The following TBK1 variants were observed in gnomAD, a reference collection of about 807,000 sequenced individuals.
The protein encoded by TBK1 is TANK binding kinase 1.
In TBK1, 37 loss-of-function variants were observed where a neutral mutation model predicts 99.9. The ratio of observed to expected loss-of-function variants is 0.37; its 90% CI spans 0.28 to 0.49. The LOEUF (loss-of-function observed/expected upper bound fraction) is 0.49, where lower values mean the gene tolerates loss of function less well. Ranked by LOEUF, TBK1 falls within the 20% of genes least tolerant of loss-of-function variation. The pLI, the probability that TBK1 is intolerant of heterozygous loss-of-function variation, is 0.98. For missense variants in TBK1, 644 were observed against 872.5 expected, an observed-to-expected ratio of 0.74 and a Z score of 3.30; for synonymous variants, 258 against 279.8, an observed-to-expected ratio of 0.92 and a Z score of 0.78.
At chr12:64,466,474 A>G (rs1027528691) in intron 4 of TBK1, among the ~76,000 whole-genome samples, 29 of 152,074 alleles carry the variant, frequency 1.9e-4, no homozygotes, top group African/African-American at 6.8e-4. Context: ...TATTGAGTTC[A>G]GTTTACTTTT....
intron 15 of TBK1, 63 bp downstream of exon 15, chr12:64,495,838 T>G (rs2040919958): frequency 7.6e-7 from 1 of 1,308,836 alleles, no homozygotes; most frequent in Non-Finnish European, 1.0e-6. Context: ...TATAATTCAG[T>G]TAAATTAATT....
chr12:64,487,421 C>CA (rs1015536519), intron 11 of TBK1, among the ~76,000 whole-genome samples: 3 of 151,198 alleles, frequency 2.0e-5, no homozygotes, highest in Non-Finnish European at 3.0e-5. Context: ...TTTTAGGCTC[C>CA]TTTTTTTTTC....
In TBK1 at chr12:64,489,981, C is replaced by A. The variant is rs10878177; in HGVS notation, c.1443-60C>A. ...GCTGAAATTATTATTTATAAAACAT[C>A]TTTTTAAAACTATGTATTGATTATA... On this transcript the variant is annotated intron_variant, in intron 12 of 20. Transcript: ENST00000331710. The A allele has an allele frequency of 0.27, 264,954 of 999,514 alleles. 38,134 individuals are homozygous for A. The highest frequency in any genetic ancestry group is 0.3 in the Non-Finnish European group (208,044 of 695,462). 61.9% of individuals were successfully genotyped at this position (999,514 alleles called of 1,614,324 possible).
At chr12:64,494,190 A>G (rs530131949) in intron 13 of TBK1, among the ~76,000 whole-genome samples, 9 of 152,276 alleles carry the variant, frequency 5.9e-5, no homozygotes, top group African/African-American at 2.2e-4. Context: ...AGCTGGGCAC[A>G]GTGGCTCATA....
In TBK1 at chr12:64,464,438, A is replaced by T. The variant is rs1350686349; in HGVS notation, c.333A>T (p.Glu111Asp). The change falls in exon 4 of 21, where the codon GAA (glutamate) becomes GAT (aspartate). Residue 111 changes from glutamate to aspartate, a missense_variant. Glu to Asp is a conservative substitution (Grantham distance 45). Coordinates refer to ENST00000331710, the MANE Select transcript of TBK1 (RefSeq NM_013254.4). The part of the protein sequence containing the change: ...PSNAYGLPES[E>D]FLIVLRDVVG... ...ATGCCTATGGACTACCAGAATCTGAATTCTTAATTGTTTTGCGAGATGTGG... is the reference window on the plus strand; with the variant it reads ...ATGCCTATGGACTACCAGAATCTGATTTCTTAATTGTTTTGCGAGATGTGG... 6.3e-7 allele frequency: 1 copy of T among 1,594,838 alleles called. No individual in the cohort carries two copies. The highest frequency in any genetic ancestry group is 8.6e-7 in the Non-Finnish European group (1 of 1,169,238).
intron 13 of TBK1, among the ~76,000 whole-genome samples, chr12:64,492,170 T>A (rs2040876129): frequency 6.6e-6 from 1 of 152,242 alleles, no homozygotes; most frequent in Non-Finnish European, 1.5e-5. Flanking sequence ...ATTTACCTGC[T>A]CATAGGCCTA....
At position 64,464,310 on chromosome 12, in the gene TBK1, CCAAT is replaced by C. The variant is rs757994883; in HGVS notation, c.229-19_229-16del. ...CAAAATTTATTTTTTATGTTGATTC[CCAAT>C]CAATGATTTTTTTTTTCAGACAACA... On this transcript the variant is annotated intron_variant, in intron 3 of 20. Transcript: ENST00000331710. The C allele has an allele frequency of 2.0e-6, 3 of 1,469,494 alleles. No homozygotes were observed. In the South Asian group the frequency reaches 3.7e-5, roughly 18 times the overall value. 91.0% of individuals were successfully genotyped at this position (1,469,494 alleles called of 1,614,324 possible).
At chr12:64,460,135 A>G in intron 2 of TBK1, 54 bp from the exon 3 acceptor site, 1 of 1,218,406 alleles carries the variant, frequency 8.2e-7, no homozygotes, top group Non-Finnish European at 1.1e-6. Context: ...GCTACCTTTT[A>G]ATCTCTTTTA....
At chr12:64,480,970 A>G (rs2040762690) in intron 7 of TBK1, among the ~76,000 whole-genome samples, 1 of 152,200 alleles carries the variant, frequency 6.6e-6, no homozygotes. Context: ...TTCTGTGAAA[A>G]TTCATTTAAA....
Position 64,481,952 on chromosome 12 carries a change from G to A in TBK1, c.923G>A (p.Arg308Gln), listed in dbSNP as rs1555204111. The A allele has an allele frequency of 3.1e-6, 5 of 1,609,046 alleles. No homozygotes were observed. Among genetic ancestry groups the A allele is most frequent in the Non-Finnish European group, 4.2e-6 (5 of 1,177,702 alleles). Residue 308 changes from arginine to glutamine, a missense_variant, in exon 8 of 21, where the codon CGA (arginine) becomes CAA (glutamine). Around this residue, in one of 3 missense-constraint regions of TBK1, gnomAD observed 465 missense variants for 588.0 expected, o/e 0.79. Coordinates refer to ENST00000331710, the MANE Select transcript of TBK1 (RefSeq NM_013254.4). Reference protein sequence around the residue: ...FFAETSDILHRMVIHVFSLQQ... With the variant: ...FFAETSDILHQMVIHVFSLQQ... ...GCAGAAACTAGTGATATACTTCACC[G>A]AATGGTAATTCATGTTTTTTCGCTA...
intron 13 of TBK1, among the ~76,000 whole-genome samples, chr12:64,492,731 CT>C (rs36044305): frequency 9.5e-5 from 14 of 147,414 alleles, no homozygotes; most frequent in African/African-American, 7.4e-5. Context: ...TTCTCTTTTT[CT>C]TTTTTTTTTG....
At chr12:64,496,296 C>A in intron 15 of TBK1, 71 bp from the exon 16 acceptor site, 1 of 786,210 alleles carries the variant, frequency 1.3e-6, no homozygotes. Context: ...GCAATAATCT[C>A]AAAAGAAAAT....
chr12:64,467,204 A>T (rs750924331), intron 5 of TBK1, 122 bp downstream of exon 5: 103 of 697,040 alleles, frequency 1.5e-4, no homozygotes, highest in Non-Finnish European at 2.2e-4. Flanking sequence ...TAAATTTTCT[A>T]TTCTAATGAA....
At chr12:64,457,981 C>T (rs2040506569) in intron 2 of TBK1, among the ~76,000 whole-genome samples, 1 of 152,112 alleles carries the variant, frequency 6.6e-6, no homozygotes, top group Admixed American at 6.5e-5. Context: ...CATGGTGGCT[C>T]ACGCCTGTAA....
chr12:64,487,191 C>CT (rs1252520204), intron 11 of TBK1, among the ~76,000 whole-genome samples: 2 of 152,138 alleles, frequency 1.3e-5, no homozygotes, highest in Admixed American at 1.3e-4. Flanking sequence ...TACATTATCT[C>CT]TTTTGGAAAT....
chr12:64,491,346 T>C (rs1424131448), intron 13 of TBK1, among the ~76,000 whole-genome samples: 11 of 152,060 alleles, frequency 7.2e-5, no homozygotes, highest in Admixed American at 7.2e-4. Context: ...CTTGGCTGGG[T>C]GTGGTGGCTC....
At chr12:64,485,334 G>T (rs369979934) in intron 9 of TBK1, 121 bp from the exon 10 acceptor site, 3 of 461,234 alleles carry the variant, frequency 6.5e-6, no homozygotes, top group South Asian at 4.3e-5. Flanking sequence ...TTTTAATCAC[G>T]AAAACTACAT....
At chr12:64,491,584 C>G (rs2040870371) in intron 13 of TBK1, among the ~76,000 whole-genome samples, 1 of 152,128 alleles carries the variant, frequency 6.6e-6, no homozygotes, top group Non-Finnish European at 1.5e-5. Flanking sequence ...GATCGTGCCA[C>G]TTGCACTCCA....
chr12:64,484,446 T>C lies in TBK1; in HGVS notation c.1136T>C (p.Ile379Thr). 6.2e-7 allele frequency: 1 copy of C among 1,614,106 alleles called. No homozygotes were observed. Among genetic ancestry groups the C allele is most frequent in the Non-Finnish European group, 8.5e-7 (1 of 1,179,994 alleles). ...HFPKTTEENP[I>T]FVVSREPLNT... ...CCTAAAACTACTGAGGAAAACCCTA[T>C]ATTTGTAGTAAGCCGGGAACCTCTG... is the stretch of plus-strand genomic sequence containing the variant. Residue 379 changes from isoleucine (I) to threonine (T), a missense_variant, in exon 9 of 21, where the codon ATA (isoleucine) becomes ACA (threonine). Ile to Thr is a moderately conservative substitution (Grantham distance 89, BLOSUM62 -1). This residue lies in a region of TBK1 where 465 missense variants were observed against 588.0 expected (regional missense o/e 0.79). Transcript: ENST00000331710.
Sources: allele counts gnomAD v4.1 joint callset (sites outside exome capture counted in the v4.1 genomes callset), GRCh38; gene constraint gnomAD v4.1.1; regional missense constraint gnomAD v4.1.1; transcripts MANE v1.5; gene names NCBI Gene and HGNC (gene_info 2026-07-23, HGNC 2026-07-21).